PCCA: variants seen among roughly 807,000 people sequenced by gnomAD.
PCCA encodes propionyl-CoA carboxylase alpha chain, mitochondrial.
A neutral mutation model predicts 101.3 loss-of-function variants in PCCA; 74 were observed. That is an observed-to-expected ratio of 0.73 (90% CI 0.61 to 0.89). The LOEUF (loss-of-function observed/expected upper bound fraction) is 0.89. PCCA is among the 40% of genes least tolerant of loss of function. PCCA has a pLI of 0.00. For missense variants in PCCA, 891 were observed against 907.0 expected, an observed-to-expected ratio of 0.98 and a Z score of 0.23; for synonymous variants, 294 against 313.6, an observed-to-expected ratio of 0.94 and a Z score of 0.66.
chr13:100,441,989 CTTTTTTT>C (rs776208311), intron 20 of PCCA, among the ~76,000 whole-genome samples: 1 of 128,528 alleles, frequency 7.8e-6, no homozygotes, highest in Non-Finnish European at 1.7e-5. Flanking sequence ...TTCCTTTTTT[CTTTTTTT>C]TTTTTTTTTA....
chr13:100,113,497 C>T (rs1379031612), intron 4 of PCCA, among the ~76,000 whole-genome samples: 1 of 151,824 alleles, frequency 6.6e-6, no homozygotes, highest in East Asian at 1.9e-4. Flanking sequence ...AGTTTTCTTT[C>T]TTCAATAATA....
At chr13:100,369,373 T>G (rs2075417905) in intron 19 of PCCA, among the ~76,000 whole-genome samples, 1 of 152,190 alleles carries the variant, frequency 6.6e-6, no homozygotes, top group East Asian at 1.9e-4. Context: ...GATATGAACA[T>G]CAAAACAATA....
chr13:100,177,864 C>A (rs1283549558), intron 6 of PCCA, among the ~76,000 whole-genome samples: 1 of 151,884 alleles, frequency 6.6e-6, no homozygotes, highest in African/African-American at 2.4e-5. Flanking sequence ...ACTAAGTAGA[C>A]TATATAAAGT....
At chr13:100,320,925 T>G (rs1209412154) in intron 16 of PCCA, among the ~76,000 whole-genome samples, 1 of 152,186 alleles carries the variant, frequency 6.6e-6, no homozygotes. Context: ...AATTTTTAAA[T>G]TTTTTGTAGA....
chr13:100,144,060 G>A (rs1009454651), intron 4 of PCCA, among the ~76,000 whole-genome samples: 1 of 151,718 alleles, frequency 6.6e-6, no homozygotes, highest in Non-Finnish European at 1.5e-5. Context: ...CACCATGCCC[G>A]GCCCCAGATA....
chr13:100,354,231 A>G (rs1349874288), intron 18 of PCCA, among the ~76,000 whole-genome samples: 1 of 150,968 alleles, frequency 6.6e-6, no homozygotes, highest in African/African-American at 2.4e-5. Context: ...GTGAGCCAAG[A>G]TCATGCCACT....
intron 19 of PCCA, among the ~76,000 whole-genome samples, chr13:100,401,570 T>A (rs2077367966): frequency 6.6e-6 from 1 of 152,140 alleles, no homozygotes; most frequent in Non-Finnish European, 1.5e-5. Flanking sequence ...TTTTTATTTT[T>A]TTTTAATTGT....
chr13:100,249,942 C>G (rs1238589522), intron 8 of PCCA, among the ~76,000 whole-genome samples: 2 of 152,154 alleles, frequency 1.3e-5, no homozygotes, highest in Non-Finnish European at 2.9e-5. Flanking sequence ...AATTGCTTAT[C>G]AGTTCCAAGA....
In PCCA at chr13:100,202,045, C is replaced by T. The variant is rs574446616; in HGVS notation, c.469-7287C>T. ...ACTTCTATGGATTTAAAATTCTTAG[C>T]TTGACTCAGCCTGGTGGCTCATGCC... is the stretch of plus-strand genomic sequence containing the variant. On this transcript the variant is annotated intron_variant, in intron 6 of 23. Coordinates refer to ENST00000376285, the MANE Select transcript of PCCA (RefSeq NM_000282.4). 1.7e-3 allele frequency among the ~76,000 whole-genome samples: 258 copies of T among 151,266 alleles called. 1 individual carries two copies. The highest frequency in any genetic ancestry group is 4.9e-3 in the African/African-American group (204 of 41,222).
At chr13:100,502,412 C>T (rs961535991) in intron 21 of PCCA, among the ~76,000 whole-genome samples, 33 of 152,264 alleles carry the variant, frequency 2.2e-4, no homozygotes, top group African/African-American at 7.9e-4. Flanking sequence ...AGCAGAGCGG[C>T]ACAGAATGGC....
intron 1 of PCCA, among the ~76,000 whole-genome samples, chr13:100,092,289 A>G (rs2046351365): frequency 6.6e-6 from 1 of 152,200 alleles, no homozygotes; most frequent in Non-Finnish European, 1.5e-5. Flanking sequence ...AGAGGAAACA[A>G]AGCTCAGGGC....
At chr13:100,281,355 G>T (rs1449693024) in intron 12 of PCCA, among the ~76,000 whole-genome samples, 1 of 152,182 alleles carries the variant, frequency 6.6e-6, no homozygotes, top group Non-Finnish European at 1.5e-5. Context: ...CACAGTGCAT[G>T]ATAAGTGCTT....
At chr13:100,290,467 C>A (rs544385839) in intron 12 of PCCA, among the ~76,000 whole-genome samples, 1 of 152,290 alleles carries the variant, frequency 6.6e-6, no homozygotes, top group African/African-American at 2.4e-5. Context: ...CCAGCTTGGC[C>A]TCCCAAAGTG....
At chr13:100,330,974 C>A (rs538608305) in intron 17 of PCCA, among the ~76,000 whole-genome samples, 28 of 152,156 alleles carry the variant, frequency 1.8e-4, no homozygotes, top group African/African-American at 6.5e-4. Flanking sequence ...TTCTGAAAAT[C>A]AAATCAGATT....
At chr13:100,135,944 G>A (rs1265975563) in intron 4 of PCCA, among the ~76,000 whole-genome samples, 4 of 151,908 alleles carry the variant, frequency 2.6e-5, no homozygotes, top group Non-Finnish European at 5.9e-5. Flanking sequence ...GCTATTTTAC[G>A]CTGAGCGATT....
chr13:100,261,571 G>A (rs1434173805), intron 9 of PCCA, among the ~76,000 whole-genome samples: 1 of 151,968 alleles, frequency 6.6e-6, no homozygotes, highest in Non-Finnish European at 1.5e-5. Context: ...TCATCATGTT[G>A]GCCAGGCTGG....
At chr13:100,341,957 GTATATATA>G (rs35822001) in intron 18 of PCCA, among the ~76,000 whole-genome samples, 14 of 107,150 alleles carry the variant, frequency 1.3e-4, no homozygotes, top group African/African-American at 2.6e-4. Flanking sequence ...ACCCTTCAAA[GTATATATA>G]TATATATATA....
At chr13:100,458,440 T>TAC (rs777836240) in intron 21 of PCCA, among the ~76,000 whole-genome samples, 2,047 of 118,744 alleles carry the variant, frequency 0.017, 29 homozygotes, top group Middle Eastern at 0.022. Flanking sequence ...CACACACACA[T>TAC]ACACACACAC....
At chr13:100,102,542 G>T (rs1371349510) in intron 1 of PCCA, among the ~76,000 whole-genome samples, 1 of 152,152 alleles carries the variant, frequency 6.6e-6, no homozygotes, top group African/African-American at 2.4e-5. Context: ...CAAGACTCTC[G>T]TTTTGTGTTT....
Sources: gnomAD v4.1 joint callset for allele counts (sites outside exome capture counted in the v4.1 genomes callset) on GRCh38, gnomAD v4.1.1 for gene constraint, MANE v1.5 for transcripts, NCBI Gene and HGNC (gene_info 2026-07-23, HGNC 2026-07-21) for gene names.